Variants in TACR2 observed in about 807,000 individuals in gnomAD.
TACR2 encodes the protein substance-K receptor.
In TACR2, 24 loss-of-function variants were observed where a neutral mutation model predicts 28.9. The ratio of observed to expected loss-of-function variants is 0.83; its 90% confidence interval spans 0.60 to 1.17. The LOEUF is 1.17. Among genes scored for constraint, TACR2 ranks in the 50% most tolerant of loss-of-function variants. The pLI, the probability that TACR2 is intolerant of heterozygous loss-of-function variation, is 0.00. For missense variants in TACR2, 487 were observed against 524.4 expected, an observed-to-expected ratio of 0.93 and a Z score of 0.70; for synonymous variants, 222 against 212.6, an observed-to-expected ratio of 1.04 and a Z score of -0.38.
intron 1 of TACR2, 127 bp from the exon 2 acceptor site, chr10:69,415,266 G>A: frequency 9.4e-7 from 1 of 1,067,238 alleles, no homozygotes; most frequent in Non-Finnish European, 1.3e-6. Flanking sequence ...GCCATCTGCT[G>A]ATATCATAGT....
intron 2 of TACR2, among the ~76,000 whole-genome samples, chr10:69,411,942 C>T (rs1220895355): frequency 1.3e-5 from 2 of 152,148 alleles, no homozygotes; most frequent in Non-Finnish European, 2.9e-5. Context: ...AGTGATCCTC[C>T]TGCCTCAGCC....
intron 2 of TACR2, 145 bp from the exon 3 acceptor site, chr10:69,409,220 T>C (rs1260297267): frequency 6.0e-6 from 5 of 837,540 alleles, no homozygotes; most frequent in Non-Finnish European, 8.5e-6. Flanking sequence ...TGGTTTGATT[T>C]AAACAAAAAT....
intron 1 of TACR2, among the ~76,000 whole-genome samples, 159 bp downstream of exon 1, chr10:69,415,772 CT>C (rs1840610747): frequency 6.6e-6 from 1 of 152,210 alleles, no homozygotes; most frequent in African/African-American, 2.4e-5. Flanking sequence ...CACAGTCCCC[CT>C]GCCTTCCAGA....
rs1191692529 is a variant in TACR2, at chr10:69,414,926, A to G, written c.587+19T>C. 6 of 1,597,598 alleles carry G rather than the reference A, an allele frequency of 3.8e-6. No individual in the cohort carries two copies. The Admixed American group carries it at 1.0e-4, about 27-fold the overall frequency. ...ACACACACACACTGTTGCCCTCCAC[A>G]ATCCCCCAGAGGCCTTACAGGAGGA... On this transcript the variant is annotated intron_variant, in intron 2 of 4. Transcript: ENST00000373306.
intron 3 of TACR2, among the ~76,000 whole-genome samples, chr10:69,407,644 G>A (rs1277709962): frequency 6.6e-6 from 1 of 152,156 alleles, no homozygotes; most frequent in Non-Finnish European, 1.5e-5. Flanking sequence ...CCCTGGGGGA[G>A]CCCCTGTGTC....
At chr10:69,406,810 C>G in intron 4 of TACR2, among the ~76,000 whole-genome samples, 1 of 152,212 alleles carries the variant, frequency 6.6e-6, no homozygotes, top group Non-Finnish European at 1.5e-5. Flanking sequence ...GACACAGAAC[C>G]CAGAAGAGCC....
intron 2 of TACR2, among the ~76,000 whole-genome samples, chr10:69,410,071 G>A (rs956661852): frequency 1.3e-5 from 2 of 151,732 alleles, no homozygotes; most frequent in Non-Finnish European, 2.9e-5. Flanking sequence ...ATCTGCTTAT[G>A]GTTTATCAGC....
At chr10:69,412,414 A>G (rs1840577052) in intron 2 of TACR2, among the ~76,000 whole-genome samples, 1 of 152,084 alleles carries the variant, frequency 6.6e-6, no homozygotes. Context: ...AGCAGATAAG[A>G]GGGGAGGAGG....
chr10:69,409,942 T>TATATATATATATATATATATAA, intron 2 of TACR2, among the ~76,000 whole-genome samples: 1 of 100,996 alleles, frequency 9.9e-6, no homozygotes, highest in East Asian at 2.7e-4. Flanking sequence ...TATATATATA[T>TATATATATATATATATATATAA]AATCTGTATC....
Position 69,416,896 on chromosome 10 carries a change from C to T in TACR2, c.-573G>A, listed in dbSNP as rs1840625575. ...GGGCTCTGCCAGCTGCCAGCCCTCG[C>T]TGCAGCTTCCCTGCCGTTCTCTGGG... On this transcript the variant is annotated 5_prime_UTR_variant, in exon 1 of 5. Coordinates refer to ENST00000373306, the MANE Select transcript of TACR2 (RefSeq NM_001057.3). The T allele has an allele frequency of 6.6e-6, 1 of 152,472 alleles. No homozygotes were observed. Among genetic ancestry groups the T allele is most frequent in the Non-Finnish European group, 1.5e-5 (1 of 68,218 alleles). The allele number at this position is 152,472 out of a possible 1,614,324, so 9.4% of individuals were successfully genotyped here. A position where few individuals can be genotyped will look rare whatever the true frequency, so the allele number is the denominator to read the frequency against.
chr10:69,415,337 G>A (rs1474030105), intron 1 of TACR2, among the ~76,000 whole-genome samples, 198 bp from the exon 2 acceptor site: 3 of 152,174 alleles, frequency 2.0e-5, no homozygotes, highest in African/African-American at 7.2e-5. Flanking sequence ...GCACACTGAT[G>A]CCTTGGAACC....
chr10:69,413,145 A>G (rs944940913), intron 2 of TACR2, among the ~76,000 whole-genome samples: 38 of 152,084 alleles, frequency 2.5e-4, no homozygotes, highest in African/African-American at 8.2e-4. Flanking sequence ...GTTCCTGAAG[A>G]GGGCATCTTT....
chr10:69,412,150 C>T (rs1840574183), intron 2 of TACR2, among the ~76,000 whole-genome samples: 1 of 152,196 alleles, frequency 6.6e-6, no homozygotes, highest in Non-Finnish European at 1.5e-5. Flanking sequence ...CTCTGGTCTC[C>T]TGCACAGTAG....
In TACR2 at chr10:69,410,538, A is replaced by C. The variant is rs999972120; in HGVS notation, c.588-1463T>G. Among the ~76,000 whole-genome samples, 1,331 of 148,154 alleles carry C rather than the reference A, an allele frequency of 9.0e-3. 34 individuals are homozygous for C. The highest frequency in any genetic ancestry group is 0.032 in the African/African-American group (1,270 of 40,032). Reference sequence around the variant, plus strand: ...CCTGTCAAAAAAAAAAAACAAAAAAACGACAGTGTCCCCAGTTCTCAGATC... The same window carrying C: ...CCTGTCAAAAAAAAAAAACAAAAAACCGACAGTGTCCCCAGTTCTCAGATC... On this transcript the variant is annotated intron_variant, in intron 2 of 4. Coordinates refer to ENST00000373306, the MANE Select transcript of TACR2 (RefSeq NM_001057.3).
rs191424229 is a variant in TACR2, at chr10:69,412,417, G to T, written c.587+2528C>A. 6.5e-3 allele frequency among the ~76,000 whole-genome samples: 995 copies of T among 152,256 alleles called. 12 individuals are homozygous for T. Among genetic ancestry groups the T allele is most frequent in the African/African-American group, 0.023 (937 of 41,540 alleles). Reference sequence around the variant, plus strand: ...ACCCCAGTGTGGAGCAGATAAGAGGGGAGGAGGGGCAACGAGGGCCAGGGC... The same window carrying T: ...ACCCCAGTGTGGAGCAGATAAGAGGTGAGGAGGGGCAACGAGGGCCAGGGC... On this transcript the variant is annotated intron_variant, in intron 2 of 4. Coordinates refer to ENST00000373306, the MANE Select transcript of TACR2 (RefSeq NM_001057.3).
intron 2 of TACR2, among the ~76,000 whole-genome samples, chr10:69,410,585 C>T (rs1240471999): frequency 2.0e-5 from 3 of 151,390 alleles, no homozygotes; most frequent in Non-Finnish European, 2.9e-5. Context: ...AGTGACGCTG[C>T]AGCCTCTCTC....
At chr10:69,407,060 G>A (rs1840507860) in intron 4 of TACR2, 24 bp downstream of exon 4, 5 of 1,612,262 alleles carry the variant, frequency 3.1e-6, no homozygotes, top group Non-Finnish European at 4.2e-6. Context: ...GAGGGCAGAG[G>A]GTGGGGCTGG....
Position 69,408,800 on chromosome 10 carries a change from GTCCCGCCCCCGTCCCA to G in TACR2, c.741+106_741+121del, listed in dbSNP as rs1840529770. 5 of 51,248 alleles carry G rather than the reference GTCCCGCCCCCGTCCCA, an allele frequency of 9.8e-5. No homozygotes were observed. In the Admixed American group the frequency reaches 1.0e-3, roughly 11 times the overall value. 3.2% of individuals were successfully genotyped at this position (51,248 alleles called of 1,614,324 possible). ...CGGGGTCAGGCCCCGTCCCGCCCCCGTCCCGCCCCCGTCCCACCCCCGTCCCACCCCGTCCGGCCCC... is the reference window on the plus strand; with the variant it reads ...CGGGGTCAGGCCCCGTCCCGCCCCCGCCCCCGTCCCACCCCGTCCGGCCCC... On this transcript the variant is annotated intron_variant, in intron 3 of 4. Coordinates refer to ENST00000373306, the MANE Select transcript of TACR2 (RefSeq NM_001057.3).
At chr10:69,407,330 C>A in intron 3 of TACR2, 50 bp from the exon 4 acceptor site, 2 of 1,554,360 alleles carry the variant, frequency 1.3e-6, no homozygotes, top group East Asian at 2.3e-5. Context: ...GCCCCAGCCC[C>A]AGCCCTCCGA....
Sources: gnomAD v4.1 joint callset for allele counts (sites outside exome capture counted in the v4.1 genomes callset) on GRCh38, gnomAD v4.1.1 for gene constraint, MANE v1.5 for transcripts, NCBI Gene and HGNC (gene_info 2026-07-23, HGNC 2026-07-21) for gene names.